The following TPX2 variants were observed in gnomAD, a reference collection of about 807,000 sequenced individuals.
TPX2 encodes targeting protein for Xklp2.
TPX2 carries 21 observed loss-of-function variants against 93.6 expected under a neutral mutation model. The observed-to-expected ratio is 0.22, with a 90% CI of 0.16 to 0.32. TPX2 has a LOEUF of 0.32. Ranked by LOEUF, TPX2 falls within the 10% of genes least tolerant of loss-of-function variation. The pLI is 1.00. For missense variants in TPX2, 776 were observed against 871.1 expected (o/e 0.89, Z 1.37); for synonymous variants, 281 against 298.3 (o/e 0.94, Z 0.60).
chr20:31,795,514 C>T (rs187512240), intron 15 of TPX2, among the ~76,000 whole-genome samples: 3 of 152,374 alleles, frequency 2.0e-5, no homozygotes, highest in Admixed American at 2.0e-4. Flanking sequence ...GCCTGTAGGC[C>T]AGAGTTTGCT....
intron 2 of TPX2, among the ~76,000 whole-genome samples, chr20:31,746,425 T>G (rs566234193): frequency 6.6e-6 from 1 of 152,336 alleles, no homozygotes; most frequent in South Asian, 2.1e-4. Flanking sequence ...TTATCCCTTG[T>G]GAAAGTAGGA....
intron 4 of TPX2, among the ~76,000 whole-genome samples, chr20:31,763,432 G>C (rs373516688): frequency 2.0e-5 from 3 of 151,906 alleles, no homozygotes; most frequent in Non-Finnish European, 2.9e-5. Context: ...TACCTGCCTC[G>C]GCCTCTGAAA....
At chr20:31,758,353 C>T (rs2061864841) in intron 3 of TPX2, among the ~76,000 whole-genome samples, 1 of 152,230 alleles carries the variant, frequency 6.6e-6, no homozygotes, top group East Asian at 1.9e-4. Context: ...CCCCTGACCT[C>T]AGGTGATCCA....
rs555749183 is a variant in TPX2 at position 31,749,640 on chromosome 20, A to G, written c.-71+6993A>G. 9.0e-4 allele frequency among the ~76,000 whole-genome samples: 137 copies of G among 151,840 alleles called. 1 individual carries two copies. In the South Asian group the frequency reaches 9.2e-3, roughly 10 times the overall value. On this transcript the variant is annotated intron_variant, in intron 2 of 17. Coordinates refer to ENST00000300403, the MANE Select transcript of TPX2 (RefSeq NM_012112.5). ...GTGAAACCCCGTCTACTAAAAATAC[A>G]AAAAATTAGTTGGGCATGGTGGCAG...
intron 2 of TPX2, among the ~76,000 whole-genome samples, chr20:31,746,725 CCTTTT>C (rs2061785413): frequency 6.6e-6 from 1 of 151,960 alleles, no homozygotes; most frequent in Non-Finnish European, 1.5e-5. Flanking sequence ...TGAACCTGCA[CCTTTT>C]GATTTATAGA....
chr20:31,757,786 G>T (rs539590872), intron 3 of TPX2, among the ~76,000 whole-genome samples: 1 of 152,330 alleles, frequency 6.6e-6, no homozygotes, highest in Non-Finnish European at 1.5e-5. Flanking sequence ...AGCATATGTT[G>T]TTTTGTAGTT....
At chr20:31,746,141 A>C (rs1325114350) in intron 2 of TPX2, among the ~76,000 whole-genome samples, 1 of 152,216 alleles carries the variant, frequency 6.6e-6, no homozygotes, top group African/African-American at 2.4e-5. Context: ...AAATTGACCC[A>C]ATTTTGGAAG....
intron 16 of TPX2, 83 bp from the exon 17 acceptor site, chr20:31,798,282 C>T: frequency 6.5e-7 from 1 of 1,544,092 alleles, no homozygotes; most frequent in Non-Finnish European, 8.9e-7. Flanking sequence ...GTGTGCATGT[C>T]TGTGCCACTT....
chr20:31,794,128 ATCTT>A (rs1353121990), intron 14 of TPX2, 104 bp downstream of exon 14: 4 of 1,257,174 alleles, frequency 3.2e-6, no homozygotes, highest in Admixed American at 2.8e-5. Flanking sequence ...ACTTCTTTTG[ATCTT>A]TCTAAGAACC....
chr20:31,787,522 T>G (rs1175709114), intron 12 of TPX2, among the ~76,000 whole-genome samples: 1 of 152,078 alleles, frequency 6.6e-6, no homozygotes, highest in East Asian at 1.9e-4. Flanking sequence ...TTTAGAAGTT[T>G]ATTTTGCTAA....
At position 31,775,897 on chromosome 20, in the gene TPX2, A is replaced by G. The variant is rs546059787; in HGVS notation, c.639A>G (p.Gln213=). 2.2e-5 allele frequency: 35 copies of G among 1,602,720 alleles called. No individual in the cohort carries two copies. In the African/African-American group the frequency reaches 2.8e-4, roughly 13 times the overall value. Residue 213 remains glutamine, a synonymous_variant, in exon 8 of 18, where the codon CAA becomes CAG. Coordinates refer to ENST00000300403, the MANE Select transcript of TPX2 (RefSeq NM_012112.5). The part of the protein sequence containing the change: ...KQKFLKSTEE[Q]ELEKSMKMQQ... ...AGTTTCTAAAAAGTACTGAGGAGCA[A>G]GAGCTGGAGAAGAGTATGAAAATGC...
intron 2 of TPX2, among the ~76,000 whole-genome samples, chr20:31,750,258 A>G (rs549650219): frequency 4.6e-5 from 7 of 152,014 alleles, no homozygotes; most frequent in Non-Finnish European, 1.0e-4. Context: ...CCCAGGTTCA[A>G]GCAATTCTCC....
intron 1 of TPX2, among the ~76,000 whole-genome samples, chr20:31,741,938 C>A (rs759375088): frequency 6.6e-6 from 1 of 151,924 alleles, no homozygotes; most frequent in Non-Finnish European, 1.5e-5. Context: ...ATAACCCAAG[C>A]GATTCTGTGA....
chr20:31,757,600 C>T lies in TPX2; in HGVS notation c.106+18C>T, dbSNP rs376238752. ...ATGGTTTGGTAAGTGCCTGCTTTCTCTGGCTATTTTAAGGATTAGTGGCTT... is the reference window on the plus strand; with the variant it reads ...ATGGTTTGGTAAGTGCCTGCTTTCTTTGGCTATTTTAAGGATTAGTGGCTT... On this transcript the variant is annotated intron_variant, in intron 3 of 17. Coordinates refer to ENST00000300403, the MANE Select transcript of TPX2 (RefSeq NM_012112.5). 1.6e-5 allele frequency: 25 copies of T among 1,603,298 alleles called. No homozygotes were observed. The highest frequency in any genetic ancestry group is 2.0e-5 in the Non-Finnish European group (24 of 1,170,754).
chr20:31,785,655 G>A (rs1182790288), intron 12 of TPX2, among the ~76,000 whole-genome samples: 1 of 152,028 alleles, frequency 6.6e-6, no homozygotes, highest in African/African-American at 2.4e-5. Context: ...ATGCCACCAC[G>A]CCTGGCTAAT....
rs551858638 is a variant in TPX2, at chr20:31,781,487, G to C, written c.1055-762G>C. ...TCACCGTGTTAGCCAGGATGGTCTC[G>C]ATCTCCTGACCTCGTGATCCCCCTG... On this transcript the variant is annotated intron_variant, in intron 10 of 17. Transcript: ENST00000300403. Among the ~76,000 whole-genome samples the C allele has an allele frequency of 1.2e-4, 18 of 151,650 alleles. No individual in the cohort carries two copies. The East Asian group carries it at 3.4e-3, about 28-fold the overall frequency.
chr20:31,779,709 G>T (rs934518580), intron 10 of TPX2, among the ~76,000 whole-genome samples: 1 of 152,124 alleles, frequency 6.6e-6, no homozygotes, highest in Non-Finnish European at 1.5e-5. Context: ...CTGAAGGTAC[G>T]AGAGAGAGGA....
intron 5 of TPX2, among the ~76,000 whole-genome samples, chr20:31,768,260 C>T (rs1458860867): frequency 7.6e-5 from 10 of 130,748 alleles, no homozygotes; most frequent in South Asian, 2.5e-4. Context: ...TTTTTTCAGA[C>T]GAGTCTCGCT....
intron 12 of TPX2, among the ~76,000 whole-genome samples, chr20:31,791,601 G>C (rs1042157164): frequency 1.3e-5 from 2 of 152,178 alleles, no homozygotes; most frequent in Non-Finnish European, 2.9e-5. Context: ...TTTTAAGTCA[G>C]GAAGTAATGT....
Sources: gnomAD v4.1 joint callset for allele counts (sites outside exome capture counted in the v4.1 genomes callset) on GRCh38, gnomAD v4.1.1 for gene constraint, MANE v1.5 for transcripts, NCBI Gene and HGNC (gene_info 2026-07-23, HGNC 2026-07-21) for gene names.